Variants in NIPBL observed in about 807,000 individuals in gnomAD.
NIPBL encodes nipped-B-like protein.
In NIPBL, 19 loss-of-function variants were observed where a neutral mutation model predicts 321.8. That is an observed-to-expected ratio of 0.06 (90% confidence interval 0.04 to 0.09). The LOEUF (loss-of-function observed/expected upper bound fraction) is 0.09. NIPBL is among the 10% of genes least tolerant of loss of function. The pLI is 1.00. For missense variants in NIPBL, 2,210 were observed against 3,327.0 expected, an observed-to-expected ratio of 0.66 and a Z score of 8.26; for synonymous variants, 1,106 against 1,114.1, an observed-to-expected ratio of 0.99 and a Z score of 0.14.
At chr5:36,915,104 A>G (rs1748360164) in intron 1 of NIPBL, among the ~76,000 whole-genome samples, 1 of 152,070 alleles carries the variant, frequency 6.6e-6, no homozygotes, top group Non-Finnish European at 1.5e-5. Flanking sequence ...GCACTTAATT[A>G]GTTAGACATT....
intron 37 of NIPBL, among the ~76,000 whole-genome samples, chr5:37,045,867 T>G (rs1752922267): frequency 6.6e-6 from 1 of 152,148 alleles, no homozygotes; most frequent in South Asian, 2.1e-4. Flanking sequence ...AACAGCTGAC[T>G]TTTTAAAAAA....
At chr5:37,013,157 G>A (rs1748404988) in intron 21 of NIPBL, among the ~76,000 whole-genome samples, 1 of 148,402 alleles carries the variant, frequency 6.7e-6, no homozygotes, top group Admixed American at 6.7e-5. Flanking sequence ...GGGGCGGCTG[G>A]CCAGGCGGGG....
At chr5:37,040,427 G>C (rs1414416739) in intron 34 of NIPBL, among the ~76,000 whole-genome samples, 1 of 152,056 alleles carries the variant, frequency 6.6e-6, no homozygotes, top group Non-Finnish European at 1.5e-5. Flanking sequence ...TGTGGACACA[G>C]AGGTATATAT....
chr5:37,048,814 A>G, intron 39 of NIPBL, 139 bp downstream of exon 39: 4 of 747,028 alleles, frequency 5.4e-6, no homozygotes, highest in Non-Finnish European at 8.9e-6. Context: ...GCTGAGGTCT[A>G]TAGCTGGGCT....
intron 27 of NIPBL, among the ~76,000 whole-genome samples, chr5:37,021,595 C>T (rs925999429): frequency 6.0e-5 from 9 of 149,724 alleles, no homozygotes; most frequent in African/African-American, 1.7e-4. Flanking sequence ...GCAGGAGAAT[C>T]GCTTGAACCC....
rs1403442187 is a variant in NIPBL at position 37,049,187 on chromosome 5, G to A, written c.6840G>A (p.Gln2280=). ...VSSGMSSSIM[Q]LYLKQVLEAF... is the part of the protein sequence containing the mutation. ...CAGGGATGAGTAGTTCCATCATGCAGCTTTATCTCAAACAGGTGCTTGAGG... is the reference window on the plus strand; with the variant it reads ...CAGGGATGAGTAGTTCCATCATGCAACTTTATCTCAAACAGGTGCTTGAGG... Residue 2280 remains glutamine, a synonymous_variant, in exon 40 of 47, where the codon CAG becomes CAA. Transcript: ENST00000282516. 5.0e-6 allele frequency: 8 copies of A among 1,614,120 alleles called. No homozygotes were observed. The highest frequency in any genetic ancestry group is 1.7e-5 in the Admixed American group (1 of 60,016).
chr5:37,054,338 A>G (rs1456218939), intron 42 of NIPBL, among the ~76,000 whole-genome samples: 2 of 152,236 alleles, frequency 1.3e-5, no homozygotes, highest in African/African-American at 4.8e-5. Flanking sequence ...GAAATTTATC[A>G]TCAACATTAT....
At position 36,952,055 on chromosome 5, in the gene NIPBL, C is replaced by CGT. The variant is rs60444251; in HGVS notation, c.-79-1562_-79-1561insTG. ...GTGTGTGTGTGTGTGTGTGTGTGTG[C>CGT]GCGCGCGCGCGCGCGCGCATGTGTG... On this transcript the variant is annotated intron_variant, in intron 1 of 46. Coordinates refer to ENST00000282516, the MANE Select transcript of NIPBL (RefSeq NM_133433.4). Among the ~76,000 whole-genome samples the CGT allele has an allele frequency of 1.4e-4, 9 of 63,178 alleles. No homozygotes were observed. In the East Asian group the frequency reaches 3.6e-3, roughly 25 times the overall value. The allele number at this position is 63,178 out of a possible 152,430, so 41.4% of individuals were successfully genotyped here.
chr5:36,960,616 G>T (rs1264463548), intron 4 of NIPBL, among the ~76,000 whole-genome samples: 2 of 152,104 alleles, frequency 1.3e-5, no homozygotes, highest in African/African-American at 4.8e-5. Context: ...TATTTCTAGT[G>T]AAAGCCACTT....
At position 36,962,116 on chromosome 5, in the gene NIPBL, G is replaced by T. The variant is rs539760615; in HGVS notation, c.459-7G>T. ...TTATATTTTTTTATTTGGGTTTTGGGTTTTAGCCGGTTTGTGCCACCACAG... is the reference window on the plus strand; with the variant it reads ...TTATATTTTTTTATTTGGGTTTTGGTTTTTAGCCGGTTTGTGCCACCACAG... On this transcript the variant is annotated splice_polypyrimidine_tract_variant and splice_region_variant and intron_variant, in intron 5 of 46. Transcript: ENST00000282516. 2.5e-6 allele frequency: 4 copies of T among 1,614,010 alleles called. No individual in the cohort carries two copies. The East Asian group carries it at 8.9e-5, about 36-fold the overall frequency.
chr5:36,924,515 A>T, intron 1 of NIPBL, among the ~76,000 whole-genome samples: 1 of 152,140 alleles, frequency 6.6e-6, no homozygotes, highest in African/African-American at 2.4e-5. Flanking sequence ...TTCCATTTCT[A>T]TAATAGTTTG....
At position 36,976,250 on chromosome 5, in the gene NIPBL, C is replaced by A. The variant is rs200785457; in HGVS notation, c.1343C>A (p.Pro448His). ...QQNTSVAAKQ[P>H]QTSVVQNQQQ... The stretch of plus-strand genomic sequence containing the variant: ...AACACTTCAGTTGCTGCAAAACAAC[C>A]CCAGACTTCTGTGGTACAGAATCAA... Residue 448 changes from proline to histidine, a missense_variant, in exon 9 of 47, where the codon CCC becomes CAC. Transcript: ENST00000282516. 9 of 1,613,790 alleles carry A rather than the reference C, an allele frequency of 5.6e-6. No individual in the cohort carries two copies. Among genetic ancestry groups the A allele is most frequent in the African/African-American group, 1.3e-5 (1 of 75,006 alleles).
Position 37,063,947 on chromosome 5 carries a change from A to G in NIPBL, c.8018A>G (p.Asp2673Gly). The change falls in exon 46 of 47, where the codon GAT (aspartate) becomes GGT (glycine). Residue 2673 changes from aspartate to glycine, a missense_variant. Asp to Gly is a moderately conservative substitution (Grantham distance 94). This residue lies in a region of NIPBL where 159 missense variants were observed against 319.2 expected (regional missense o/e 0.50). Coordinates refer to ENST00000282516, the MANE Select transcript of NIPBL (RefSeq NM_133433.4). ...TAAETEDDES[D>G]GEDRGGGTSG... ...GCAGAGACAGAAGATGATGAAAGTG[A>G]TGGGGAGGATAGAGGAGGAGGCACT... 3.1e-6 allele frequency: 5 copies of G among 1,614,066 alleles called. No homozygotes were observed. The highest frequency in any genetic ancestry group is 4.2e-6 in the Non-Finnish European group (5 of 1,180,012).
At chr5:37,033,379 T>G (rs935999365) in intron 32 of NIPBL, among the ~76,000 whole-genome samples, 1 of 151,990 alleles carries the variant, frequency 6.6e-6, no homozygotes, top group African/African-American at 2.4e-5. Flanking sequence ...CATTACATAA[T>G]TAAGAGCAGT....
intron 38 of NIPBL, among the ~76,000 whole-genome samples, chr5:37,047,433 T>C (rs1753094572): frequency 6.6e-6 from 1 of 152,216 alleles, no homozygotes; most frequent in Admixed American, 6.5e-5. Flanking sequence ...ATTGAAACCT[T>C]ATCATTTTAT....
intron 3 of NIPBL, among the ~76,000 whole-genome samples, chr5:36,957,762 C>T (rs1017472705): frequency 6.7e-6 from 1 of 149,200 alleles, no homozygotes; most frequent in Admixed American, 6.6e-5. Context: ...GCGGGCAGAC[C>T]ATCTGAGGTC....
chr5:36,951,733 T>C (rs186169648), intron 1 of NIPBL, among the ~76,000 whole-genome samples: 12 of 152,286 alleles, frequency 7.9e-5, no homozygotes, highest in Admixed American at 6.5e-4. Context: ...TGGACAAATA[T>C]AGAATAGCTA....
intron 5 of NIPBL, 83 bp from the exon 6 acceptor site, chr5:36,962,040 A>T: frequency 6.8e-7 from 1 of 1,464,888 alleles, no homozygotes; most frequent in South Asian, 1.1e-5. Context: ...AAGAGATCAG[A>T]GGACTTTGTG....
intron 1 of NIPBL, among the ~76,000 whole-genome samples, chr5:36,890,263 G>C (rs1193705234): frequency 1.3e-5 from 2 of 152,030 alleles, no homozygotes; most frequent in Non-Finnish European, 2.9e-5. Flanking sequence ...TCCCCCTTTA[G>C]GGGCTTTATT....
Sources: allele counts gnomAD v4.1 joint callset (sites outside exome capture counted in the v4.1 genomes callset), GRCh38; gene constraint gnomAD v4.1.1; regional missense constraint gnomAD v4.1.1; transcripts MANE v1.5; gene names NCBI Gene and HGNC (gene_info 2026-07-23, HGNC 2026-07-21).